TLL1: variants seen among roughly 807,000 people sequenced by gnomAD.
The protein encoded by TLL1 is tolloid like 1.
In TLL1, 49 loss-of-function variants were observed where a neutral mutation model predicts 128.2. That is an observed-to-expected ratio of 0.38 (90% CI 0.30 to 0.48). The LOEUF is 0.48. TLL1 is among the 20% of genes least tolerant of loss of function. The pLI, the probability that TLL1 is intolerant of heterozygous loss-of-function variation, is 0.96. For synonymous variants in TLL1, 454 were observed against 418.8 expected (o/e 1.08, Z -1.03); for missense variants, 1,123 against 1,242.0 (o/e 0.90, Z 1.44).
chr4:166,060,268 AGATGTAGT>A, intron 15 of TLL1, 80 bp downstream of exon 15: 3 of 1,404,924 alleles, frequency 2.1e-6, no homozygotes, highest in Non-Finnish European at 3.0e-6. Flanking sequence ...AAAAAAAAAA[AGATGTAGT>A]AAAATAGTAT....
chr4:165,927,384 T>C (rs1733323522), intron 1 of TLL1, among the ~76,000 whole-genome samples: 1 of 152,246 alleles, frequency 6.6e-6, no homozygotes, highest in Non-Finnish European at 1.5e-5. Context: ...TAAATGTGTT[T>C]AAATTTTTTA....
At chr4:165,959,532 GA>G (rs1457622461) in intron 1 of TLL1, among the ~76,000 whole-genome samples, 3 of 152,054 alleles carry the variant, frequency 2.0e-5, no homozygotes, top group Admixed American at 2.0e-4. Flanking sequence ...AACAACTAAA[GA>G]ATATACATTC....
At chr4:166,069,334 TGAAA>T (rs1200560126) in intron 16 of TLL1, among the ~76,000 whole-genome samples, 2 of 151,806 alleles carry the variant, frequency 1.3e-5, no homozygotes, top group African/African-American at 2.4e-5. Flanking sequence ...TGTGGCTTTA[TGAAA>T]CCTTAACACA....
chr4:166,036,495 C>T (rs11728190), intron 9 of TLL1, among the ~76,000 whole-genome samples: 79,837 of 151,706 alleles, frequency 0.53, 22,121 homozygotes, highest in African/African-American at 0.71. Context: ...GCAATATGTT[C>T]ACGTAAAATA....
At chr4:166,014,601 T>C (rs750785481) in intron 8 of TLL1, 41 bp downstream of exon 8, 15 of 1,608,024 alleles carry the variant, frequency 9.3e-6, no homozygotes, top group Non-Finnish European at 1.2e-5. Flanking sequence ...CTGTACTTGA[T>C]TGTGCTCTTC....
At chr4:166,096,255 A>G (rs1419519326) in intron 19 of TLL1, among the ~76,000 whole-genome samples, 2 of 150,190 alleles carry the variant, frequency 1.3e-5, no homozygotes, top group Non-Finnish European at 3.0e-5. Context: ...CACGGTTAGA[A>G]ATTAATTCCA....
At chr4:165,896,644 G>A (rs796321729) in intron 1 of TLL1, among the ~76,000 whole-genome samples, 18 of 151,818 alleles carry the variant, frequency 1.2e-4, no homozygotes, top group African/African-American at 3.4e-4. Context: ...CACCATGTGC[G>A]GCTAATTTTT....
intron 1 of TLL1, among the ~76,000 whole-genome samples, chr4:165,933,033 G>C (rs1208423401): frequency 2.0e-5 from 3 of 152,150 alleles, no homozygotes; most frequent in Non-Finnish European, 2.9e-5. Flanking sequence ...AAATATTCTT[G>C]CATGAGACAT....
chr4:165,974,525 T>G (rs1260862711), intron 1 of TLL1, among the ~76,000 whole-genome samples: 1 of 152,202 alleles, frequency 6.6e-6, no homozygotes, highest in Non-Finnish European at 1.5e-5. Flanking sequence ...CTTTCACTCA[T>G]AGCTTTTAAT....
chr4:165,980,978 TC>T (rs1287941803), intron 1 of TLL1, among the ~76,000 whole-genome samples: 9 of 152,134 alleles, frequency 5.9e-5, no homozygotes, highest in Non-Finnish European at 8.8e-5. Flanking sequence ...TCTGTAAGCC[TC>T]CATGGCTTCA....
At chr4:166,097,068 C>G (rs1377547241) in intron 19 of TLL1, among the ~76,000 whole-genome samples, 1 of 152,002 alleles carries the variant, frequency 6.6e-6, no homozygotes, top group Non-Finnish European at 1.5e-5. Context: ...ATATATGAAC[C>G]TAAGCACTCT....
chr4:165,910,653 T>C (rs1006803926), intron 1 of TLL1, among the ~76,000 whole-genome samples: 31 of 152,188 alleles, frequency 2.0e-4, no homozygotes, highest in African/African-American at 7.5e-4. Flanking sequence ...ATCAGTTAAC[T>C]GAAATGCTCT....
At chr4:166,042,005 T>A (rs768961760) in intron 10 of TLL1, 22 bp from the exon 11 acceptor site, 2 of 1,542,012 alleles carry the variant, frequency 1.3e-6, no homozygotes, top group East Asian at 2.3e-5. Context: ...GGAGTTTCTC[T>A]TTATTCTTTT....
chr4:165,992,808 A>T lies in TLL1; in HGVS notation c.285A>T (p.Gly95=). 1 of 1,613,142 alleles carries T rather than the reference A, an allele frequency of 6.2e-7. No individual in the cohort carries two copies. Among genetic ancestry groups the T allele is most frequent in the African/African-American group, 1.3e-5 (1 of 75,024 alleles). ...PFGNLGHTTG[G]LGDHAMSKKR... Reference sequence around the variant, plus strand: ...TGTTTCCTTTTATTCTTTAAGGTGGACTTGGAGACCATGCTATGTCAAAGA... The same window carrying T: ...TGTTTCCTTTTATTCTTTAAGGTGGTCTTGGAGACCATGCTATGTCAAAGA... The change falls in exon 3 of 21, where the codon GGA becomes GGT. Residue 95 remains glycine (G), a synonymous_variant. Coordinates refer to ENST00000061240, the MANE Select transcript of TLL1 (RefSeq NM_012464.5).
chr4:165,964,072 G>A (rs1379193845), intron 1 of TLL1, among the ~76,000 whole-genome samples: 1 of 152,138 alleles, frequency 6.6e-6, no homozygotes, highest in African/African-American at 2.4e-5. Context: ...TACCTAATGG[G>A]GAGATACATC....
At chr4:166,082,203 TTGCTGCCACACCAGAACTTCTGATTCA>T (rs1243714193) in intron 18 of TLL1, among the ~76,000 whole-genome samples, 1 of 152,136 alleles carries the variant, frequency 6.6e-6, no homozygotes, top group East Asian at 1.9e-4. Context: ...AAAAGACGCA[TTGCTGCCACACCAGAACTTCTGATTCA>T]GAGCATAATA....
chr4:166,089,802 G>A (rs1261747735), intron 18 of TLL1, among the ~76,000 whole-genome samples: 1 of 152,016 alleles, frequency 6.6e-6, no homozygotes, highest in East Asian at 1.9e-4. Flanking sequence ...GTAGAGTGCA[G>A]TGGAAAGAGA....
At chr4:166,004,374 A>G (rs183936252) in intron 6 of TLL1, among the ~76,000 whole-genome samples, 23 of 152,106 alleles carry the variant, frequency 1.5e-4, no homozygotes, top group African/African-American at 5.5e-4. Context: ...AACAATACTG[A>G]TCTCTTTATT....
intron 9 of TLL1, among the ~76,000 whole-genome samples, chr4:166,038,158 T>C (rs1739082899): frequency 6.6e-6 from 1 of 152,224 alleles, no homozygotes; most frequent in Admixed American, 6.5e-5. Flanking sequence ...GTAATACTTC[T>C]CTAGAATATG....
Sources: allele counts gnomAD v4.1 joint callset (sites outside exome capture counted in the v4.1 genomes callset), GRCh38; gene constraint gnomAD v4.1.1; transcripts MANE v1.5; gene names NCBI Gene and HGNC (gene_info 2026-07-23, HGNC 2026-07-21).